The following GMDS variants were observed in gnomAD, a reference collection of about 807,000 sequenced individuals.
GMDS encodes the protein GDP-mannose 4,6-dehydratase.
GMDS carries 20 observed loss-of-function variants against 49.9 expected under a neutral mutation model. That is an observed-to-expected ratio of 0.40 (90% CI 0.28 to 0.58). The LOEUF is 0.58. Ranked by LOEUF, GMDS falls within the 20% of genes least tolerant of loss-of-function variation. The pLI, the probability that GMDS is intolerant of heterozygous loss-of-function variation, is 0.42. For missense variants in GMDS, 362 were observed against 481.4 expected, an observed-to-expected ratio of 0.75 and a Z score of 2.32; for synonymous variants, 177 against 178.6, an observed-to-expected ratio of 0.99 and a Z score of 0.07.
intron 4 of GMDS, among the ~76,000 whole-genome samples, chr6:2,066,064 G>A (rs114754356): frequency 6.6e-6 from 1 of 152,256 alleles, no homozygotes; most frequent in South Asian, 2.1e-4. Context: ...CAGACTAAGC[G>A]GATCTCTCGG....
chr6:1,851,464 C>T (rs1757666186), intron 7 of GMDS, among the ~76,000 whole-genome samples: 3 of 152,132 alleles, frequency 2.0e-5, no homozygotes, highest in Admixed American at 2.0e-4. Context: ...AAATAACATA[C>T]TTTATTAAAG....
At chr6:1,754,807 G>C (rs1767877643) in intron 7 of GMDS, among the ~76,000 whole-genome samples, 1 of 152,046 alleles carries the variant, frequency 6.6e-6, no homozygotes, top group African/African-American at 2.4e-5. Flanking sequence ...ATGCAGAAAG[G>C]GCCTTCGATA....
intron 1 of GMDS, among the ~76,000 whole-genome samples, chr6:2,204,151 T>C (rs1301138959): frequency 6.6e-6 from 1 of 152,182 alleles, no homozygotes; most frequent in East Asian, 1.9e-4. Context: ...CAAGTATACA[T>C]CATCAATCAC....
intron 7 of GMDS, among the ~76,000 whole-genome samples, chr6:1,830,851 A>T (rs1695673790): frequency 1.3e-5 from 2 of 152,190 alleles, no homozygotes; most frequent in African/African-American, 4.8e-5. Flanking sequence ...AACTCTTAGA[A>T]CCTCTTCGAG....
At chr6:1,938,665 T>A (rs1208103650) in intron 6 of GMDS, among the ~76,000 whole-genome samples, 3 of 152,020 alleles carry the variant, frequency 2.0e-5, no homozygotes, top group African/African-American at 7.2e-5. Context: ...CTGCTTGGGG[T>A]CCATGGTGCT....
intron 7 of GMDS, among the ~76,000 whole-genome samples, chr6:1,775,686 T>C (rs762273745): frequency 7.2e-5 from 11 of 152,232 alleles, no homozygotes; most frequent in Non-Finnish European, 1.6e-4. Context: ...TTTTGCCAGA[T>C]AGTTTCCATG....
intron 4 of GMDS, among the ~76,000 whole-genome samples, chr6:2,004,715 C>T (rs540121595): frequency 6.6e-6 from 1 of 152,258 alleles, no homozygotes; most frequent in East Asian, 1.9e-4. Context: ...AACACTTCAT[C>T]CAATGACATT....
At chr6:1,941,731 T>C (rs543641235) in intron 6 of GMDS, among the ~76,000 whole-genome samples, 1 of 152,254 alleles carries the variant, frequency 6.6e-6, no homozygotes, top group Admixed American at 6.5e-5. Flanking sequence ...ACGGAGAAAC[T>C]GATCCAGGAG....
At chr6:1,970,928 C>T (rs187506837) in intron 4 of GMDS, among the ~76,000 whole-genome samples, 7 of 141,660 alleles carry the variant, frequency 4.9e-5, no homozygotes, top group Admixed American at 4.5e-4. Flanking sequence ...AACATACCTG[C>T]ATGTCCTACA....
chr6:2,221,843 T>C (rs776104612), intron 1 of GMDS, among the ~76,000 whole-genome samples: 1 of 151,880 alleles, frequency 6.6e-6, no homozygotes, highest in East Asian at 1.9e-4. Flanking sequence ...CCATGGGGTA[T>C]AAAAGAAGAA....
chr6:2,117,462 GACTT>G lies in GMDS; in HGVS notation c.235+3_235+6del. 1.3e-6 allele frequency: 2 copies of G among 1,488,288 alleles called. No individual in the cohort carries two copies. The highest frequency in any genetic ancestry group is 1.4e-5 in the African/African-American group (1 of 72,620). The allele number at this position is 1,488,288 out of a possible 1,614,324, so 92.2% of individuals were successfully genotyped here. On this transcript the variant is annotated splice_donor_5th_base_variant and intron_variant, in intron 3 of 10. Transcript: ENST00000380815. The stretch of plus-strand genomic sequence containing the variant: ...GAAAGAGATTCTAGAAAAAGAAAAT[GACTT>G]ACTTCCTTCAATGTGAGCCTGGGGA...
At chr6:2,144,019 A>C (rs1427290457) in intron 1 of GMDS, among the ~76,000 whole-genome samples, 1 of 152,208 alleles carries the variant, frequency 6.6e-6, no homozygotes, top group Non-Finnish European at 1.5e-5. Context: ...GTGTCCATTG[A>C]CATATGTAAA....
intron 4 of GMDS, among the ~76,000 whole-genome samples, chr6:2,092,869 A>G (rs978421147): frequency 2.0e-5 from 3 of 152,256 alleles, no homozygotes; most frequent in Non-Finnish European, 4.4e-5. Context: ...CCTTTAATTG[A>G]ATAGCAATAT....
At chr6:1,825,332 T>C (rs926701680) in intron 7 of GMDS, among the ~76,000 whole-genome samples, 4 of 152,192 alleles carry the variant, frequency 2.6e-5, no homozygotes, top group African/African-American at 9.7e-5. Flanking sequence ...CTCTTAAAAA[T>C]GGACCAAACC....
At chr6:2,178,994 A>C (rs1467929151) in intron 1 of GMDS, among the ~76,000 whole-genome samples, 1 of 152,208 alleles carries the variant, frequency 6.6e-6, no homozygotes, top group Non-Finnish European at 1.5e-5. Context: ...TTTGTGCAAA[A>C]GACAATTTCA....
rs144676519 is a variant in GMDS, at chr6:1,728,033, T to C, written c.891-1521A>G. Among the ~76,000 whole-genome samples, 388 of 152,284 alleles carry C rather than the reference T, an allele frequency of 2.5e-3. 2 individuals carry two copies. The highest frequency in any genetic ancestry group is 3.4e-3 in the Middle Eastern group (1 of 294). ...GTCTAAGAATTTCAAAGCAAGGGAATTGGTAGGTAGGATCAGAGCTAAGTT... is the reference window on the plus strand; with the variant it reads ...GTCTAAGAATTTCAAAGCAAGGGAACTGGTAGGTAGGATCAGAGCTAAGTT... On this transcript the variant is annotated intron_variant, in intron 8 of 10. Coordinates refer to ENST00000380815, the MANE Select transcript of GMDS (RefSeq NM_001500.4).
chr6:2,218,810 TC>T (rs1242271102), intron 1 of GMDS, among the ~76,000 whole-genome samples: 1 of 152,208 alleles, frequency 6.6e-6, no homozygotes, highest in East Asian at 1.9e-4. Flanking sequence ...TTATCTTCAT[TC>T]TATACATTAT....
intron 4 of GMDS, among the ~76,000 whole-genome samples, chr6:1,999,993 A>AT (rs1561961866): frequency 0.012 from 191 of 16,274 alleles, 25 homozygotes; most frequent in Non-Finnish European, 0.018. Context: ...TTATATATAT[A>AT]TATTATATAT....
At chr6:2,177,904 G>A (rs1391357346) in intron 1 of GMDS, among the ~76,000 whole-genome samples, 1 of 152,108 alleles carries the variant, frequency 6.6e-6, no homozygotes, top group Non-Finnish European at 1.5e-5. Flanking sequence ...ATCAACAGTG[G>A]ACTAGATAAA....
Sources: allele counts gnomAD v4.1 joint callset (sites outside exome capture counted in the v4.1 genomes callset), GRCh38; gene constraint gnomAD v4.1.1; transcripts MANE v1.5; gene names NCBI Gene and HGNC (gene_info 2026-07-23, HGNC 2026-07-21).